The following DCC variants were observed in gnomAD, a reference collection of about 807,000 sequenced individuals.
DCC encodes DCC netrin 1 receptor, also known as netrin receptor DCC.
Under a neutral mutation model 172.5 loss-of-function variants are expected in DCC, and 58 were observed. The ratio of observed to expected loss-of-function variants is 0.34; its 90% confidence interval spans 0.27 to 0.42. DCC has a LOEUF of 0.42. Among genes scored for constraint, DCC ranks in the 10% least tolerant of loss-of-function variants. The pLI is 1.00. For synonymous variants in DCC, 709 were observed against 644.5 expected (o/e 1.10, Z -1.52); for missense variants, 1,740 against 1,791.0 (o/e 0.97, Z 0.51).
At chr18:52,973,249 A>G (rs2041060211) in intron 5 of DCC, among the ~76,000 whole-genome samples, 1 of 152,194 alleles carries the variant, frequency 6.6e-6, no homozygotes, top group African/African-American at 2.4e-5. Flanking sequence ...TTCATGTTTA[A>G]TAACTTTAGT....
intron 2 of DCC, among the ~76,000 whole-genome samples, chr18:52,798,314 GA>G (rs2037917730): frequency 6.6e-6 from 1 of 152,222 alleles, no homozygotes; most frequent in Non-Finnish European, 1.5e-5. Context: ...CTGAGTGGTA[GA>G]AGTAGCAGAC....
chr18:52,690,372 C>G lies in DCC; in HGVS notation c.92-61682C>G, dbSNP rs117767175. On this transcript the variant is annotated intron_variant, in intron 1 of 28. Coordinates refer to ENST00000442544, the MANE Select transcript of DCC (RefSeq NM_005215.4). ...AGGATTGAGGGCAGTAGAGGCTTCA[C>G]AGCAGAGGTGACATTTGAGTTAGGT... Among the ~76,000 whole-genome samples the G allele has an allele frequency of 5.2e-3, 789 of 152,256 alleles. 3 individuals carry two copies. The highest frequency in any genetic ancestry group is 8.2e-3 in the Non-Finnish European group (559 of 68,016).
At chr18:52,825,631 T>C (rs2038496511) in intron 2 of DCC, among the ~76,000 whole-genome samples, 1 of 152,148 alleles carries the variant, frequency 6.6e-6, no homozygotes, top group African/African-American at 2.4e-5. Flanking sequence ...TCTGAGAAAG[T>C]TTCAACAACT....
intron 9 of DCC, among the ~76,000 whole-genome samples, chr18:53,186,119 G>T (rs1454213819): frequency 6.6e-6 from 1 of 152,150 alleles, no homozygotes; most frequent in Non-Finnish European, 1.5e-5. Flanking sequence ...TGAGCACACA[G>T]TACGATTCAG....
chr18:53,008,141 A>G (rs1452955162), intron 5 of DCC, among the ~76,000 whole-genome samples: 1 of 115,952 alleles, frequency 8.6e-6, no homozygotes, highest in Non-Finnish European at 1.9e-5. Flanking sequence ...ATCTGACTAT[A>G]ATAAGAAAAT....
chr18:52,539,865 A>C (rs1482656000), intron 1 of DCC, among the ~76,000 whole-genome samples: 1 of 152,230 alleles, frequency 6.6e-6, no homozygotes, highest in Non-Finnish European at 1.5e-5. Flanking sequence ...ATAAATATGT[A>C]TAAATTTTAT....
At chr18:53,427,076 T>C (rs1911018942) in intron 21 of DCC, among the ~76,000 whole-genome samples, 1 of 152,158 alleles carries the variant, frequency 6.6e-6, no homozygotes, top group Non-Finnish European at 1.5e-5. Context: ...GAGGCTTTTA[T>C]GGATCATTCC....
chr18:52,985,963 T>C (rs1031760703), intron 5 of DCC, among the ~76,000 whole-genome samples: 6 of 152,222 alleles, frequency 3.9e-5, no homozygotes, highest in African/African-American at 1.4e-4. Context: ...ATTATCTTAA[T>C]GCCTTTTAGG....
intron 1 of DCC, among the ~76,000 whole-genome samples, chr18:52,564,247 A>G (rs540003851): frequency 5.0e-4 from 76 of 152,282 alleles, no homozygotes; most frequent in African/African-American, 1.7e-3. Context: ...TAGATTCTCC[A>G]TTTACATACA....
chr18:52,664,123 T>C (rs2035415959), intron 1 of DCC, among the ~76,000 whole-genome samples: 1 of 152,220 alleles, frequency 6.6e-6, no homozygotes. Flanking sequence ...AATTTGACAT[T>C]TACTATGGAC....
At chr18:52,454,670 T>G (rs1214309415) in intron 1 of DCC, among the ~76,000 whole-genome samples, 1 of 152,160 alleles carries the variant, frequency 6.6e-6, no homozygotes, top group Non-Finnish European at 1.5e-5. Flanking sequence ...TTATTGATAA[T>G]TACTTTTATA....
At chr18:53,144,384 G>T (rs927762938) in intron 7 of DCC, among the ~76,000 whole-genome samples, 1 of 152,170 alleles carries the variant, frequency 6.6e-6, no homozygotes, top group African/African-American at 2.4e-5. Context: ...AAGGAAAGAG[G>T]TTTAATTGAC....
chr18:52,513,818 G>A (rs1380465950), intron 1 of DCC, among the ~76,000 whole-genome samples: 1 of 152,182 alleles, frequency 6.6e-6, no homozygotes, highest in African/African-American at 2.4e-5. Context: ...CAGATGTCCA[G>A]CAAAAGTTCT....
intron 1 of DCC, among the ~76,000 whole-genome samples, chr18:52,424,939 T>G (rs989943092): frequency 4.6e-5 from 7 of 152,110 alleles, no homozygotes; most frequent in African/African-American, 1.7e-4. Context: ...ATTTTCTTTT[T>G]ATTTGTTTAA....
chr18:53,457,369 A>G (rs2045496071), intron 23 of DCC, among the ~76,000 whole-genome samples: 1 of 152,202 alleles, frequency 6.6e-6, no homozygotes, highest in Non-Finnish European at 1.5e-5. Flanking sequence ...AGAATTTGTA[A>G]TTTATTGCTG....
At chr18:53,243,516 C>T (rs2056329752) in intron 12 of DCC, among the ~76,000 whole-genome samples, 1 of 152,100 alleles carries the variant, frequency 6.6e-6, no homozygotes, top group Non-Finnish European at 1.5e-5. Flanking sequence ...GGACTAGTTG[C>T]CTCTTTGTTT....
chr18:53,203,827 G>A (rs140261375), intron 9 of DCC, among the ~76,000 whole-genome samples: 95 of 152,302 alleles, frequency 6.2e-4, no homozygotes, highest in Admixed American at 1.4e-3. Flanking sequence ...ACCTGGAATG[G>A]TGGTATCATT....
chr18:52,574,160 C>A (rs1344643612), intron 1 of DCC, among the ~76,000 whole-genome samples: 1 of 152,112 alleles, frequency 6.6e-6, no homozygotes, highest in African/African-American at 2.4e-5. Flanking sequence ...TTTGTTAAAT[C>A]ATTTTAAAAA....
rs137951811 is a variant in DCC, at chr18:53,498,045, C to T, written c.3899-1253C>T. On this transcript the variant is annotated intron_variant, in intron 26 of 28. Transcript: ENST00000442544. ...ACCTTCATCTCTGAATGGGATAAGC[C>T]TGGAGGCTGCTCAATGACCCAGAAG... 2.6e-3 allele frequency among the ~76,000 whole-genome samples: 401 copies of T among 152,326 alleles called. 1 individual carries two copies. The highest frequency in any genetic ancestry group is 8.2e-3 in the African/African-American group (340 of 41,582).
Sources: allele counts gnomAD v4.1 joint callset (sites outside exome capture counted in the v4.1 genomes callset), GRCh38; gene constraint gnomAD v4.1.1; transcripts MANE v1.5; gene names NCBI Gene and HGNC (gene_info 2026-07-23, HGNC 2026-07-21).